The following ARHGEF28 variants were observed in gnomAD, a reference collection of about 807,000 sequenced individuals.
ARHGEF28 encodes 190 kDa guanine nucleotide exchange factor.
A neutral mutation model predicts 206.6 loss-of-function variants in ARHGEF28; 152 were observed. The observed-to-expected ratio is 0.74, with a 90% CI of 0.64 to 0.84. The LOEUF is 0.84. Among genes scored for constraint, ARHGEF28 ranks in the 40% least tolerant of loss-of-function variants. The probability of loss-of-function intolerance (pLI) is 0.00; values close to 1 mark genes in which losing one functional copy is unlikely to be tolerated. For missense variants in ARHGEF28, 2,028 were observed against 2,073.2 expected (o/e 0.98, Z 0.42); for synonymous variants, 763 against 776.4 (o/e 0.98, Z 0.29).
chr5:73,726,816 A>G (rs1750302049), intron 2 of ARHGEF28, among the ~76,000 whole-genome samples: 1 of 152,106 alleles, frequency 6.6e-6, no homozygotes, highest in Non-Finnish European at 1.5e-5. Flanking sequence ...CCGCTGCCCA[A>G]CTGTAGTTTC....
intron 33 of ARHGEF28, among the ~76,000 whole-genome samples, chr5:73,905,562 G>A (rs1247684232): frequency 6.6e-6 from 1 of 152,202 alleles, no homozygotes; most frequent in Non-Finnish European, 1.5e-5. Context: ...TCATGTTGGT[G>A]TATAAGGCTC....
chr5:73,909,864 C>A lies in ARHGEF28; in HGVS notation c.4614C>A (p.Ser1538Arg). The A allele has an allele frequency of 6.5e-7, 1 of 1,531,838 alleles. No individual in the cohort carries two copies. Among genetic ancestry groups the A allele is most frequent in the Admixed American group, 2.1e-5 (1 of 48,402 alleles). The allele number at this position is 1,531,838 out of a possible 1,614,324, so 94.9% of individuals were successfully genotyped here. Residue 1538 changes from serine (S) to arginine (R), a missense_variant, in exon 34 of 36, where the codon AGC becomes AGA. By Grantham distance (110) the Ser-to-Arg change is moderately radical. Coordinates refer to ENST00000513042, the MANE Select transcript of ARHGEF28 (RefSeq NM_001177693.2). Reference protein sequence around the residue: ...LGHWKHGRQRSLPAVLLPGGP... With the variant: ...LGHWKHGRQRRLPAVLLPGGP... Reference sequence around the variant, plus strand: ...ACTGGAAGCACGGCCGGCAGAGGAGCCTGCCCGCGGTGCTCCTTCCGGGTG... The same window carrying A: ...ACTGGAAGCACGGCCGGCAGAGGAGACTGCCCGCGGTGCTCCTTCCGGGTG...
At chr5:73,817,028 A>G (rs1247113329) in intron 9 of ARHGEF28, among the ~76,000 whole-genome samples, 1 of 152,254 alleles carries the variant, frequency 6.6e-6, no homozygotes, top group East Asian at 1.9e-4. Flanking sequence ...TTAATCAACG[A>G]TTGAAAAATA....
chr5:73,680,730 C>T (rs549779992), intron 1 of ARHGEF28, among the ~76,000 whole-genome samples: 4 of 152,234 alleles, frequency 2.6e-5, no homozygotes, highest in African/African-American at 9.6e-5. Flanking sequence ...GCAAATACCA[C>T]AAGTTGAGTT....
intron 28 of ARHGEF28, 79 bp downstream of exon 28, chr5:73,893,367 G>C: frequency 8.7e-7 from 1 of 1,155,856 alleles, no homozygotes. Context: ...ATGAACAGGA[G>C]GTTATAACTA....
intron 2 of ARHGEF28, among the ~76,000 whole-genome samples, chr5:73,686,846 A>G (rs572936550): frequency 2.0e-5 from 3 of 152,270 alleles, no homozygotes; most frequent in African/African-American, 7.2e-5. Flanking sequence ...CTAGTTATTA[A>G]AAAAATGCTG....
At chr5:73,664,872 A>AT (rs1441855164) in intron 1 of ARHGEF28, among the ~76,000 whole-genome samples, 3 of 151,842 alleles carry the variant, frequency 2.0e-5, no homozygotes, top group African/African-American at 4.8e-5. Flanking sequence ...ATCACATTTC[A>AT]TTTTTTTCTT....
At chr5:73,796,045 A>C (rs567949039) in intron 9 of ARHGEF28, among the ~76,000 whole-genome samples, 7 of 152,230 alleles carry the variant, frequency 4.6e-5, no homozygotes, top group Admixed American at 2.0e-4. Flanking sequence ...CCCTTCCTAA[A>C]TCTCCTCCCA....
intron 1 of ARHGEF28, among the ~76,000 whole-genome samples, chr5:73,676,998 T>C (rs984495510): frequency 1.3e-5 from 2 of 152,216 alleles, no homozygotes; most frequent in Non-Finnish European, 2.9e-5. Context: ...CTAAATGTAT[T>C]GTAAGTTGAT....
chr5:73,737,061 T>C (rs1367165510), intron 2 of ARHGEF28, among the ~76,000 whole-genome samples: 1 of 152,202 alleles, frequency 6.6e-6, no homozygotes, highest in Non-Finnish European at 1.5e-5. Flanking sequence ...ATTAGTAGGA[T>C]GTGAGTAGTG....
At chr5:73,650,507 A>G (rs1744742775) in intron 1 of ARHGEF28, among the ~76,000 whole-genome samples, 1 of 151,564 alleles carries the variant, frequency 6.6e-6, no homozygotes, top group Admixed American at 6.6e-5. Context: ...CTGGTCTTGA[A>G]CACCTGATCT....
At chr5:73,687,409 G>A (rs189469810) in intron 2 of ARHGEF28, among the ~76,000 whole-genome samples, 78 of 151,658 alleles carry the variant, frequency 5.1e-4, no homozygotes, top group Admixed American at 1.4e-3. Flanking sequence ...ATATGATAGA[G>A]TATATAACAT....
chr5:73,709,144 C>T (rs968592195), intron 2 of ARHGEF28, among the ~76,000 whole-genome samples: 1 of 152,184 alleles, frequency 6.6e-6, no homozygotes, highest in East Asian at 1.9e-4. Flanking sequence ...CAGTTAGATT[C>T]ATTGCTACAG....
intron 1 of ARHGEF28, among the ~76,000 whole-genome samples, chr5:73,676,364 T>C (rs1315145329): frequency 6.6e-6 from 1 of 152,100 alleles, no homozygotes; most frequent in African/African-American, 2.4e-5. Context: ...GCCTCCCAAG[T>C]AGCTGGGATT....
chr5:73,658,072 A>G (rs141372846), intron 1 of ARHGEF28, among the ~76,000 whole-genome samples: 4 of 152,158 alleles, frequency 2.6e-5, no homozygotes, highest in East Asian at 3.9e-4. Context: ...AGTCCATCCA[A>G]TGCTTCAAGC....
chr5:73,800,041 A>C (rs1561412696), intron 9 of ARHGEF28, among the ~76,000 whole-genome samples: 1 of 152,202 alleles, frequency 6.6e-6, no homozygotes. Context: ...TATAGAAATA[A>C]TAAATGTTCA....
rs1201743383 is a variant in ARHGEF28 at position 73,887,692 on chromosome 5, C to T, written c.3387+13C>T. On this transcript the variant is annotated intron_variant, in intron 26 of 35. Transcript: ENST00000513042. ...CTTTGCAGCCGTTGTAAGTATATGACTGTGTGATGTATTTAAAAAATAGGT... is the reference window on the plus strand; with the variant it reads ...CTTTGCAGCCGTTGTAAGTATATGATTGTGTGATGTATTTAAAAAATAGGT... 1.3e-6 allele frequency: 2 copies of T among 1,538,112 alleles called. No homozygotes were observed. Among genetic ancestry groups the T allele is most frequent in the South Asian group, 1.3e-5 (1 of 79,452 alleles).
chr5:73,667,206 A>G (rs1394063098), intron 1 of ARHGEF28, among the ~76,000 whole-genome samples: 1 of 151,968 alleles, frequency 6.6e-6, no homozygotes, highest in Non-Finnish European at 1.5e-5. Flanking sequence ...ATCGTGGCCA[A>G]TAATTCAGTT....
intron 4 of ARHGEF28, 76 bp from the exon 5 acceptor site, chr5:73,773,779 T>C (rs1753375784): frequency 6.1e-6 from 8 of 1,312,344 alleles, no homozygotes; most frequent in African/African-American, 1.5e-5. Context: ...CTAAATACAC[T>C]GTCCCTTTGA....
Sources: gnomAD v4.1 joint callset for allele counts (sites outside exome capture counted in the v4.1 genomes callset) on GRCh38, gnomAD v4.1.1 for gene constraint, MANE v1.5 for transcripts, NCBI Gene and HGNC (gene_info 2026-07-23, HGNC 2026-07-21) for gene names.